ATP10A: variants seen among roughly 807,000 people sequenced by gnomAD.
ATP10A encodes the protein ATPase phospholipid transporting 10A (putative), also known as phospholipid-transporting ATPase VA.
A neutral mutation model predicts 147.8 loss-of-function variants in ATP10A; 111 were observed. The observed-to-expected ratio is 0.75, with a 90% CI of 0.64 to 0.88. ATP10A has a LOEUF of 0.88. ATP10A is among the 40% of genes least tolerant of loss of function. The pLI is 0.00. For synonymous variants in ATP10A, 875 were observed against 841.6 expected, an observed-to-expected ratio of 1.04 and a Z score of -0.69; for missense variants, 1,927 against 1,959.0, an observed-to-expected ratio of 0.98 and a Z score of 0.31.
chr15:25,863,373 G>T (rs1424083326), upstream of ATP10A, among the ~76,000 whole-genome samples: 3 of 151,934 alleles, frequency 2.0e-5, no homozygotes, highest in Non-Finnish European at 4.4e-5. Flanking sequence ...GCCCGCCCCC[G>T]GCCCGGGTCG....
chr15:25,688,454 T>C (rs564142048), intron 15 of ATP10A, among the ~76,000 whole-genome samples: 2 of 152,282 alleles, frequency 1.3e-5, no homozygotes, highest in South Asian at 4.1e-4. Context: ...GAGCCTGCCA[T>C]GGAAGCTTCC....
At chr15:25,727,875 A>G (rs1902676478) in intron 3 of ATP10A, among the ~76,000 whole-genome samples, 1 of 152,146 alleles carries the variant, frequency 6.6e-6, no homozygotes, top group Admixed American at 6.5e-5. Context: ...TGGTTTTCAA[A>G]CTTGTCCTCC....
chr15:25,863,607 C>T (rs73356446), upstream of ATP10A: 5,097 of 152,640 alleles, frequency 0.033, 160 homozygotes, highest in South Asian at 0.17. Flanking sequence ...CCAAGCAGCC[C>T]GCGCGCCCTT....
chr15:25,723,929 C>A lies in ATP10A; in HGVS notation c.1072G>T (p.Ala358Ser), dbSNP rs1902396655. The change falls in exon 6 of 21, where the codon GCA becomes TCA. Residue 358 changes from alanine to serine, a missense_variant. Ala to Ser is a moderately conservative substitution (Grantham distance 99). Coordinates refer to ENST00000555815, the MANE Select transcript of ATP10A (RefSeq NM_024490.4). Reference sequence around the variant, plus strand: ...ATCATTGTTAAAAATGAGTAAACTGCAGCTGTGACTGGGGATAAGGAGCTT... The same window carrying A: ...ATCATTGTTAAAAATGAGTAAACTGAAGCTGTGACTGGGGATAAGGAGCTT... Reference protein sequence around the residue: ...DGSSLSPVTAAVYSFLTMIIV... With the variant: ...DGSSLSPVTASVYSFLTMIIV... The A allele has an allele frequency of 6.2e-7, 1 of 1,609,094 alleles. No individual in the cohort carries two copies. Among genetic ancestry groups the A allele is most frequent in the African/African-American group, 1.3e-5 (1 of 74,728 alleles).
intron 2 of ATP10A, among the ~76,000 whole-genome samples, chr15:25,758,818 G>T (rs879902938): frequency 5.5e-5 from 6 of 109,982 alleles, no homozygotes; most frequent in African/African-American, 1.2e-4. Flanking sequence ...AACTCATTCC[G>T]ACCACCTGCT....
chr15:25,791,205 C>A, intron 1 of ATP10A, among the ~76,000 whole-genome samples: 1 of 151,398 alleles, frequency 6.6e-6, no homozygotes, highest in Admixed American at 6.6e-5. Flanking sequence ...TCAGCCTCCC[C>A]AGTAGCTGGG....
At chr15:25,819,734 CT>C (rs1256802019) in intron 1 of ATP10A, among the ~76,000 whole-genome samples, 1 of 152,154 alleles carries the variant, frequency 6.6e-6, no homozygotes, top group East Asian at 1.9e-4. Flanking sequence ...CACTGGAATA[CT>C]ATTCAGCCAT....
intron 2 of ATP10A, among the ~76,000 whole-genome samples, chr15:25,743,611 A>G (rs190308618): frequency 6.6e-6 from 1 of 152,282 alleles, no homozygotes; most frequent in East Asian, 1.9e-4. Context: ...CTCGGGGCCT[A>G]TATTAGTTGC....
intron 1 of ATP10A, among the ~76,000 whole-genome samples, chr15:25,832,565 C>CT (rs376440829): frequency 6.6e-4 from 95 of 143,242 alleles, no homozygotes; most frequent in East Asian, 1.8e-3. Context: ...AATTCGTTTC[C>CT]TTTTTTTTTT....
At chr15:25,683,773 A>G (rs969356239) in intron 16 of ATP10A, 1 of 470,620 alleles carries the variant, frequency 2.1e-6, no homozygotes, top group Non-Finnish European at 3.8e-6. Flanking sequence ...TGTGCTTGAC[A>G]AGCTCTGGAT....
intron 3 of ATP10A, among the ~76,000 whole-genome samples, chr15:25,728,224 A>G (rs1368483540): frequency 2.0e-5 from 3 of 152,184 alleles, no homozygotes; most frequent in East Asian, 1.9e-4. Context: ...CCTGCCAGCT[A>G]TTGGCCTTCT....
intron 15 of ATP10A, among the ~76,000 whole-genome samples, chr15:25,689,500 C>T (rs935444887): frequency 6.6e-6 from 1 of 152,198 alleles, no homozygotes; most frequent in Non-Finnish European, 1.5e-5. Flanking sequence ...TCTGACATCT[C>T]TGGCATCCCT....
At chr15:25,702,814 C>G (rs1900748692) in intron 12 of ATP10A, among the ~76,000 whole-genome samples, 1 of 151,100 alleles carries the variant, frequency 6.6e-6, no homozygotes, top group Non-Finnish European at 1.5e-5. Flanking sequence ...GTCTTCCCCA[C>G]TCTGGAAGTG....
At chr15:25,844,720 G>A (rs1166532628) in intron 1 of ATP10A, among the ~76,000 whole-genome samples, 1 of 152,104 alleles carries the variant, frequency 6.6e-6, no homozygotes, top group African/African-American at 2.4e-5. Context: ...GAGCAGTGAG[G>A]AGGGCAGACC....
chr15:25,835,858 G>A (rs1892569367), intron 1 of ATP10A, among the ~76,000 whole-genome samples: 1 of 152,156 alleles, frequency 6.6e-6, no homozygotes, highest in Non-Finnish European at 1.5e-5. Context: ...CTGTCGCCAA[G>A]GCTAGAGTGC....
intron 1 of ATP10A, among the ~76,000 whole-genome samples, chr15:25,861,567 T>C (rs1482375811): frequency 1.3e-5 from 2 of 152,172 alleles, no homozygotes; most frequent in Non-Finnish European, 2.9e-5. Flanking sequence ...TGCCTACGTT[T>C]AAGAGGCAGG....
At chr15:25,759,490 T>C (rs1252041888) in intron 2 of ATP10A, among the ~76,000 whole-genome samples, 2 of 152,178 alleles carry the variant, frequency 1.3e-5, no homozygotes, top group Non-Finnish European at 2.9e-5. Context: ...AAGGTTTTCT[T>C]GGAGCATTGC....
At chr15:25,783,006 A>AC (rs1889997239) in intron 1 of ATP10A, among the ~76,000 whole-genome samples, 1 of 150,294 alleles carries the variant, frequency 6.7e-6, no homozygotes, top group African/African-American at 2.5e-5. Flanking sequence ...CCCCATCTCT[A>AC]AAAAAAAATT....
rs984508215 is a variant in ATP10A, at chr15:25,721,891, A to C, written c.1129T>G (p.Leu377Val). Residue 377 changes from leucine to valine, a missense_variant, in exon 7 of 21, where the codon TTA (leucine) becomes GTA (valine). Transcript: ENST00000555815. ...TTAACAATTTCAATGGAAACGTATAAGGAAATTGGGATCAAAACCTGGAAG... is the reference window on the plus strand; with the variant it reads ...TTAACAATTTCAATGGAAACGTATACGGAAATTGGGATCAAAACCTGGAAG... ...IVLQVLIPIS[L>V]YVSIEIVKAC... is the part of the protein sequence containing the mutation. The C allele has an allele frequency of 4.3e-6, 7 of 1,611,860 alleles. No homozygotes were observed. Among genetic ancestry groups the C allele is most frequent in the Non-Finnish European group, 5.9e-6 (7 of 1,178,136 alleles).
Sources: allele counts gnomAD v4.1 joint callset (sites outside exome capture counted in the v4.1 genomes callset), GRCh38; gene constraint gnomAD v4.1.1; transcripts MANE v1.5; gene names NCBI Gene and HGNC (gene_info 2026-07-23, HGNC 2026-07-21).